The following GPC5 variants were observed in gnomAD, a reference collection of about 807,000 sequenced individuals.
The protein encoded by GPC5 is glypican 5.
A neutral mutation model predicts 53.9 loss-of-function variants in GPC5; 47 were observed. That is an observed-to-expected ratio of 0.87 (90% CI 0.69 to 1.11). The LOEUF (loss-of-function observed/expected upper bound fraction) is 1.11, where lower values mean the gene tolerates loss of function less well. Ranked by LOEUF, GPC5 falls within the 50% of genes most tolerant of loss-of-function variation. GPC5 has a pLI of 0.00. For synonymous variants in GPC5, 286 were observed against 263.3 expected, an observed-to-expected ratio of 1.09 and a Z score of -0.84; for missense variants, 748 against 713.1, an observed-to-expected ratio of 1.05 and a Z score of -0.56.
intron 7 of GPC5, among the ~76,000 whole-genome samples, chr13:92,408,671 A>G (rs1449267388): frequency 6.6e-6 from 1 of 152,026 alleles, no homozygotes; most frequent in African/African-American, 2.4e-5. Context: ...ACATATATGT[A>G]TATGTATTTA....
At chr13:92,612,426 T>C (rs997002797) in intron 7 of GPC5, among the ~76,000 whole-genome samples, 6 of 152,124 alleles carry the variant, frequency 3.9e-5, no homozygotes, top group African/African-American at 7.2e-5. Context: ...GTATCTATTA[T>C]ATTCTTTATA....
At chr13:91,868,458 A>T (rs995897948) in intron 5 of GPC5, among the ~76,000 whole-genome samples, 6 of 152,208 alleles carry the variant, frequency 3.9e-5, no homozygotes, top group African/African-American at 1.4e-4. Flanking sequence ...TATAATCCCA[A>T]CACTGGGAAG....
chr13:92,358,416 A>G (rs1419524230), intron 7 of GPC5, among the ~76,000 whole-genome samples: 2 of 151,518 alleles, frequency 1.3e-5, no homozygotes, highest in Non-Finnish European at 2.9e-5. Context: ...TGGATCTACT[A>G]TTCTTGGGTT....
chr13:92,572,667 G>T (rs182477771), intron 7 of GPC5, among the ~76,000 whole-genome samples: 8 of 152,224 alleles, frequency 5.3e-5, no homozygotes, highest in African/African-American at 1.7e-4. Flanking sequence ...CAATGAAAAA[G>T]AATTCTTTTT....
intron 5 of GPC5, among the ~76,000 whole-genome samples, chr13:91,819,425 C>T (rs957167350): frequency 1.3e-5 from 2 of 152,018 alleles, no homozygotes; most frequent in Admixed American, 1.3e-4. Flanking sequence ...TCCCAAAGTG[C>T]TGGGATTACA....
intron 7 of GPC5, among the ~76,000 whole-genome samples, chr13:92,710,756 T>C (rs189537036): frequency 5.3e-5 from 8 of 152,250 alleles, no homozygotes; most frequent in Non-Finnish European, 8.8e-5. Context: ...GAGAGACTGA[T>C]AAAAGTGGTC....
chr13:92,211,901 A>G (rs1234743427), intron 7 of GPC5, among the ~76,000 whole-genome samples: 1 of 152,158 alleles, frequency 6.6e-6, no homozygotes, highest in Admixed American at 6.5e-5. Flanking sequence ...CCTTTCTGAC[A>G]GCATCAGAGA....
At chr13:92,330,351 C>G (rs913499151) in intron 7 of GPC5, among the ~76,000 whole-genome samples, 2 of 152,144 alleles carry the variant, frequency 1.3e-5, no homozygotes, top group Admixed American at 6.6e-5. Context: ...AATAACATCT[C>G]TGGTCATATC....
chr13:91,582,282 A>G (rs2032392934), intron 2 of GPC5, among the ~76,000 whole-genome samples: 1 of 152,234 alleles, frequency 6.6e-6, no homozygotes, highest in South Asian at 2.1e-4. Flanking sequence ...TCAAATGGAT[A>G]TGGACTTGCT....
At chr13:92,718,025 G>C (rs1205228932) in intron 7 of GPC5, among the ~76,000 whole-genome samples, 2 of 152,050 alleles carry the variant, frequency 1.3e-5, no homozygotes, top group African/African-American at 4.8e-5. Flanking sequence ...AGTTAAAATG[G>C]CTTTTATTGA....
chr13:92,133,795 G>GGAA (rs2041763298), intron 6 of GPC5, among the ~76,000 whole-genome samples: 1 of 151,974 alleles, frequency 6.6e-6, no homozygotes, highest in African/African-American at 2.4e-5. Context: ...AAAAGGCAAG[G>GGAA]GAAAAAAATC....
At chr13:91,651,649 C>T (rs59240177) in intron 2 of GPC5, among the ~76,000 whole-genome samples, 9,781 of 148,366 alleles carry the variant, frequency 0.066, 1,056 homozygotes, top group African/African-American at 0.23. Flanking sequence ...ACCCGGGAGG[C>T]GGAGGTTGCA....
At chr13:91,630,870 A>T (rs2034140624) in intron 2 of GPC5, among the ~76,000 whole-genome samples, 1 of 152,076 alleles carries the variant, frequency 6.6e-6, no homozygotes, top group Admixed American at 6.6e-5. Context: ...TTTTAAATGA[A>T]TATCCCTTAA....
At chr13:92,207,827 T>C (rs2042348280) in intron 7 of GPC5, among the ~76,000 whole-genome samples, 1 of 152,232 alleles carries the variant, frequency 6.6e-6, no homozygotes. Context: ...ATATATTCTA[T>C]TATGATGCGC....
intron 6 of GPC5, among the ~76,000 whole-genome samples, chr13:92,026,691 T>A (rs923633454): frequency 2.6e-5 from 4 of 151,914 alleles, no homozygotes; most frequent in African/African-American, 9.7e-5. Context: ...GTTAAAAAAG[T>A]CTTTGCTCTT....
chr13:91,470,219 CT>C (rs1263418755), intron 2 of GPC5, among the ~76,000 whole-genome samples: 7 of 152,144 alleles, frequency 4.6e-5, no homozygotes, highest in Non-Finnish European at 5.9e-5. Flanking sequence ...AAACATTTTC[CT>C]TTGTATTTCT....
chr13:91,530,783 G>T (rs1566480599), intron 2 of GPC5, among the ~76,000 whole-genome samples: 1 of 152,110 alleles, frequency 6.6e-6, no homozygotes, highest in Non-Finnish European at 1.5e-5. Flanking sequence ...TTAAGTAAAA[G>T]TAAACTTTGC....
At chr13:92,377,111 A>G (rs568025328) in intron 7 of GPC5, among the ~76,000 whole-genome samples, 23 of 152,340 alleles carry the variant, frequency 1.5e-4, no homozygotes, top group Non-Finnish European at 7.3e-5. Context: ...TCCTGAATCA[A>G]TGCCACCATG....
chr13:91,443,874 T>C (rs118095322), intron 1 of GPC5, among the ~76,000 whole-genome samples: 360 of 152,322 alleles, frequency 2.4e-3, no homozygotes, highest in Non-Finnish European at 4.4e-3. Flanking sequence ...TCTCCGTTTT[T>C]CCACACTAAA....
Sources: gnomAD v4.1 joint callset for allele counts (sites outside exome capture counted in the v4.1 genomes callset) on GRCh38, gnomAD v4.1.1 for gene constraint, MANE v1.5 for transcripts, NCBI Gene and HGNC (gene_info 2026-07-23, HGNC 2026-07-21) for gene names.